The following ABCB5 variants were observed in gnomAD, a reference collection of about 807,000 sequenced individuals.
The protein encoded by ABCB5 is ATP-binding cassette sub-family B member 5.
ABCB5 carries 155 observed loss-of-function variants against 144.2 expected under a neutral mutation model. The ratio of observed to expected loss-of-function variants is 1.08; its 90% CI spans 0.94 to 1.23. The LOEUF (loss-of-function observed/expected upper bound fraction) is 1.23. Among genes scored for constraint, ABCB5 ranks in the 50% most tolerant of loss-of-function variants. The pLI is 0.00. For missense variants in ABCB5, 1,830 were observed against 1,520.8 expected (o/e 1.20, Z -3.38); for synonymous variants, 610 against 528.6 (o/e 1.15, Z -2.11).
chr7:20,652,440 C>G (rs1784627748), intron 13 of ABCB5, among the ~76,000 whole-genome samples: 1 of 152,096 alleles, frequency 6.6e-6, no homozygotes, highest in Non-Finnish European at 1.5e-5. Context: ...TGTGGTGGCG[C>G]ACACCTATAG....
At chr7:20,687,175 C>T (rs1478625458) in intron 16 of ABCB5, among the ~76,000 whole-genome samples, 7 of 152,174 alleles carry the variant, frequency 4.6e-5, no homozygotes, top group African/African-American at 1.2e-4. Context: ...TGTGTTAAAA[C>T]ATCTATTGAT....
chr7:20,739,714 T>C (rs1782501168), intron 24 of ABCB5, among the ~76,000 whole-genome samples: 1 of 152,198 alleles, frequency 6.6e-6, no homozygotes, highest in South Asian at 2.1e-4. Context: ...TTAAGGTTTA[T>C]TTGTTTTTTT....
At chr7:20,751,143 C>T (rs1352456741) in intron 26 of ABCB5, among the ~76,000 whole-genome samples, 2 of 152,152 alleles carry the variant, frequency 1.3e-5, no homozygotes, top group Non-Finnish European at 2.9e-5. Context: ...ATTAAGGAGC[C>T]ATTACCCCTT....
intron 5 of ABCB5, chr7:20,642,056 ACTTCCTGCTTCCATTATTTCTGCTTTCAT>A (rs1321338952): frequency 6.6e-6 from 1 of 152,134 alleles, no homozygotes; most frequent in Admixed American, 6.6e-5. Flanking sequence ...TCTTAACAGA[ACTTCCTGCTTCCATTATTTCTGCTTTCAT>A]CCGTTCTCCA....
chr7:20,629,726 C>T (rs1429571032), intron 4 of ABCB5, among the ~76,000 whole-genome samples: 5 of 152,066 alleles, frequency 3.3e-5, no homozygotes, highest in African/African-American at 9.6e-5. Flanking sequence ...TGCACCATTG[C>T]ACTCCAGCCT....
intron 26 of ABCB5, among the ~76,000 whole-genome samples, chr7:20,749,085 T>G (rs1045467299): frequency 6.6e-6 from 1 of 151,974 alleles, no homozygotes; most frequent in Non-Finnish European, 1.5e-5. Flanking sequence ...TCTCTTTCTT[T>G]CTTGCTTGCT....
Position 20,628,786 on chromosome 7 carries a change from A to C in ABCB5, c.207A>C (p.Leu69Phe). The C allele has an allele frequency of 1.2e-6, 2 of 1,613,806 alleles. No homozygotes were observed. Among genetic ancestry groups the C allele is most frequent in the Non-Finnish European group, 1.7e-6 (2 of 1,179,818 alleles). The part of the protein sequence containing the change: ...GACLPLMPLV[L>F]GEMSDNLISG... Reference sequence around the variant, plus strand: ...GCCTTCCTTTAATGCCACTGGTTTTAGGAGAAATGAGTGATAACCTTATTA... The same window carrying C: ...GCCTTCCTTTAATGCCACTGGTTTTCGGAGAAATGAGTGATAACCTTATTA... Residue 69 changes from leucine to phenylalanine, a missense_variant, in exon 4 of 28, where the codon TTA becomes TTC. Leu to Phe is a conservative substitution (Grantham distance 22, BLOSUM62 0). Transcript: ENST00000404938.
chr7:20,722,769 C>T (rs1293075834), intron 20 of ABCB5, among the ~76,000 whole-genome samples: 1 of 151,966 alleles, frequency 6.6e-6, no homozygotes, highest in Non-Finnish European at 1.5e-5. Context: ...TTGCAGTGAG[C>T]CGAGATTGCG....
At chr7:20,675,965 A>G (rs531122898) in intron 14 of ABCB5, among the ~76,000 whole-genome samples, 2 of 152,210 alleles carry the variant, frequency 1.3e-5, no homozygotes, top group East Asian at 1.9e-4. Context: ...CAATACCACA[A>G]TGAGATATCT....
intron 13 of ABCB5, among the ~76,000 whole-genome samples, chr7:20,652,930 T>C (rs1040110820): frequency 2.0e-5 from 3 of 150,216 alleles, no homozygotes; most frequent in Admixed American, 6.6e-5. Context: ...TTATTCTTGG[T>C]TTTTAATTTA....
chr7:20,619,551 T>C (rs1298195161), intron 1 of ABCB5, among the ~76,000 whole-genome samples: 1 of 135,744 alleles, frequency 7.4e-6, no homozygotes, highest in Non-Finnish European at 1.7e-5. Context: ...GCTTCTTGAG[T>C]TAAGTTTCTT....
intron 14 of ABCB5, among the ~76,000 whole-genome samples, chr7:20,677,791 G>A (rs548121102): frequency 4.6e-5 from 7 of 152,114 alleles, no homozygotes; most frequent in Admixed American, 1.3e-4. Context: ...ACCTAGTCCC[G>A]CTGTTTAAAT....
At chr7:20,690,306 A>G (rs1786174063) in intron 16 of ABCB5, among the ~76,000 whole-genome samples, 1 of 152,220 alleles carries the variant, frequency 6.6e-6, no homozygotes, top group Non-Finnish European at 1.5e-5. Flanking sequence ...ACTCATCATT[A>G]TTATATCTTA....
intron 12 of ABCB5, among the ~76,000 whole-genome samples, chr7:20,650,770 G>A (rs1446553244): frequency 2.6e-4 from 40 of 152,142 alleles, no homozygotes; most frequent in Admixed American, 2.6e-3. Context: ...TTCATTTGGA[G>A]TATCCTAGAC....
In ABCB5 at chr7:20,717,688, C is replaced by T. The variant is rs772639139; in HGVS notation, c.2422-5328C>T. Among the ~76,000 whole-genome samples, 15 of 151,876 alleles carry T rather than the reference C, an allele frequency of 9.9e-5. No individual in the cohort carries two copies. In the South Asian group the frequency reaches 2.9e-3, roughly 29 times the overall value. ...TCCTGACCTCATGATCTGCCCGCCTCGGCCTCCCAAAGTGCTGGGATTACA... is the reference window on the plus strand; with the variant it reads ...TCCTGACCTCATGATCTGCCCGCCTTGGCCTCCCAAAGTGCTGGGATTACA... On this transcript the variant is annotated intron_variant, in intron 20 of 27. Transcript: ENST00000404938.
intron 15 of ABCB5, among the ~76,000 whole-genome samples, chr7:20,683,602 G>A (rs1192456190): frequency 6.6e-6 from 1 of 152,112 alleles, no homozygotes; most frequent in Non-Finnish European, 1.5e-5. Flanking sequence ...AAAATGGTGT[G>A]TTTGTGGGAT....
Position 20,723,293 on chromosome 7 carries a change from A to G in ABCB5, c.2625+74A>G, listed in dbSNP as rs539691600. The G allele has an allele frequency of 2.9e-6, 4 of 1,403,322 alleles. No homozygotes were observed. In the African/African-American group the frequency reaches 4.3e-5, roughly 15 times the overall value. The allele number at this position is 1,403,322 out of a possible 1,614,324, so 86.9% of individuals were successfully genotyped here. On this transcript the variant is annotated intron_variant, in intron 21 of 27. Transcript: ENST00000404938. ...GTCAGAACTTTATGATATGTTAACT[A>G]TATGATGTGTTAACCATCTTTATGA...
chr7:20,657,245 TG>T (rs1159613452), intron 13 of ABCB5, among the ~76,000 whole-genome samples: 1 of 152,202 alleles, frequency 6.6e-6, no homozygotes, highest in African/African-American at 2.4e-5. Flanking sequence ...GATGAACTAC[TG>T]GATTCCCAGT....
In ABCB5 at chr7:20,681,060, CTTTCTTTCTT is replaced by C. The variant is rs762702268; in HGVS notation, c.1708-443_1708-434del. On this transcript the variant is annotated intron_variant, in intron 14 of 27. Transcript: ENST00000404938. The stretch of plus-strand genomic sequence containing the variant: ...TCTTTCTTTCTTTCTCTCTCTCTCT[CTTTCTTTCTT>C]TCTTTCTTTCTTTCTTTCTTTCTTT... 3.4e-3 allele frequency among the ~76,000 whole-genome samples: 36 copies of C among 10,448 alleles called. 3 individuals are homozygous for C. In the East Asian group the frequency reaches 0.083, roughly 24 times the overall value. 6.9% of individuals were successfully genotyped at this position (10,448 alleles called of 152,430 possible).
Sources: allele counts gnomAD v4.1 joint callset (sites outside exome capture counted in the v4.1 genomes callset), GRCh38; gene constraint gnomAD v4.1.1; transcripts MANE v1.5; gene names NCBI Gene and HGNC (gene_info 2026-07-23, HGNC 2026-07-21).